Variants in PDE4D observed in about 807,000 individuals in gnomAD.
PDE4D encodes phosphodiesterase 4D, also known as 3',5'-cyclic-AMP phosphodiesterase 4D.
A neutral mutation model predicts 87.4 loss-of-function variants in PDE4D; 24 were observed. That is an observed-to-expected ratio of 0.27 (90% CI 0.20 to 0.39). The LOEUF (loss-of-function observed/expected upper bound fraction) is 0.39, where lower values mean the gene tolerates loss of function less well. Among genes scored for constraint, PDE4D ranks in the 10% least tolerant of loss-of-function variants. PDE4D has a pLI of 1.00. For synonymous variants in PDE4D, 384 were observed against 383.2 expected (o/e 1.00, Z -0.02); for missense variants, 714 against 1,041.0 (o/e 0.69, Z 4.32).
intron 1 of PDE4D, among the ~76,000 whole-genome samples, chr5:59,479,116 GT>G (rs113750425): frequency 0.16 from 24,612 of 152,038 alleles, 2,999 homozygotes; most frequent in African/African-American, 0.34. Flanking sequence ...TCTACTCAGA[GT>G]TGCTATTGAT....
intron 1 of PDE4D, among the ~76,000 whole-genome samples, chr5:59,831,916 AC>A (rs1450637166): frequency 2.0e-5 from 3 of 152,094 alleles, no homozygotes; most frequent in African/African-American, 7.2e-5. Context: ...ATAAGTCAGC[AC>A]CAGAAAGGGC....
intron 1 of PDE4D, among the ~76,000 whole-genome samples, chr5:59,715,410 G>A (rs563772712): frequency 6.6e-6 from 1 of 152,204 alleles, no homozygotes; most frequent in Admixed American, 6.5e-5. Context: ...GCCCGATGGG[G>A]CACGGTACAC....
intron 5 of PDE4D, among the ~76,000 whole-genome samples, chr5:59,067,256 A>T (rs1023139371): frequency 1.3e-5 from 2 of 152,018 alleles, no homozygotes; most frequent in African/African-American, 4.8e-5. Context: ...ACTTCAAGTG[A>T]TCTGCCCACC....
chr5:59,843,350 G>A (rs975158338), intron 1 of PDE4D, among the ~76,000 whole-genome samples: 2 of 151,744 alleles, frequency 1.3e-5, no homozygotes, highest in Non-Finnish European at 2.9e-5. Flanking sequence ...GCAAGAGAGA[G>A]GAAATACATT....
At chr5:59,571,074 T>G (rs79067745) in intron 1 of PDE4D, among the ~76,000 whole-genome samples, 1 of 152,322 alleles carries the variant, frequency 6.6e-6, no homozygotes, top group East Asian at 1.9e-4. Context: ...AACAAAAATT[T>G]GCTCCTCCCT....
At position 58,988,516 on chromosome 5, in the gene PDE4D, G is replaced by T. The variant is rs17853590; in HGVS notation, c.1529C>A (p.Ser510Tyr). 1 of 1,478,910 alleles carries T rather than the reference G, an allele frequency of 6.8e-7. No homozygotes were observed. Among genetic ancestry groups the T allele is most frequent in the Non-Finnish European group, 9.1e-7 (1 of 1,099,126 alleles). 91.6% of individuals were successfully genotyped at this position (1,478,910 alleles called of 1,614,324 possible). A position where few individuals can be genotyped will look rare whatever the true frequency, so the allele number is the denominator to read the frequency against. Reference protein sequence around the residue: ...AIHDVDHPGVSNQFLINTNSE... With the variant: ...AIHDVDHPGVYNQFLINTNSE... ...ACTTGTATTGATCAGAAATTGATTG[G>T]ACACACCAGGATGATCTACATCATG... The change falls in exon 11 of 15, where the codon TCC becomes TAC. Residue 510 changes from serine (S) to tyrosine (Y), a missense_variant. Ser to Tyr is a moderately radical substitution (Grantham distance 144). Coordinates refer to ENST00000340635, the MANE Select transcript of PDE4D (RefSeq NM_001104631.2).
intron 1 of PDE4D, among the ~76,000 whole-genome samples, chr5:59,619,101 T>C (rs1175776304): frequency 6.6e-6 from 1 of 152,198 alleles, no homozygotes; most frequent in Non-Finnish European, 1.5e-5. Context: ...GTGAAACTGA[T>C]ATGACTTGAC....
intron 11 of PDE4D, among the ~76,000 whole-genome samples, chr5:58,977,659 A>G (rs750474227): frequency 6.6e-6 from 1 of 152,170 alleles, no homozygotes; most frequent in Non-Finnish European, 1.5e-5. Flanking sequence ...TCAGCAGAAT[A>G]TGACATTATT....
intron 5 of PDE4D, among the ~76,000 whole-genome samples, chr5:59,077,200 T>C (rs1185878204): frequency 2.0e-5 from 3 of 152,208 alleles, no homozygotes; most frequent in Non-Finnish European, 4.4e-5. Context: ...ACTCTTAGCA[T>C]AATGTCTACA....
chr5:60,418,785 C>A (rs1199097418), intron 1 of PDE4D, among the ~76,000 whole-genome samples: 1 of 152,066 alleles, frequency 6.6e-6, no homozygotes, highest in Non-Finnish European at 1.5e-5. Flanking sequence ...GTTACTAACT[C>A]TAGTCACCCT....
intron 2 of PDE4D, among the ~76,000 whole-genome samples, chr5:60,007,100 A>G (rs1764568344): frequency 6.6e-6 from 1 of 152,048 alleles, no homozygotes; most frequent in Non-Finnish European, 1.5e-5. Context: ...ATTAAAAACT[A>G]TATACTTAAC....
chr5:59,532,594 A>G (rs1814438434), intron 1 of PDE4D, among the ~76,000 whole-genome samples: 1 of 152,232 alleles, frequency 6.6e-6, no homozygotes, highest in Admixed American at 6.5e-5. Context: ...TCTTAGCTAA[A>G]GAAATGTAAA....
chr5:59,994,372 A>T (rs1241055922), intron 2 of PDE4D, among the ~76,000 whole-genome samples: 1 of 151,784 alleles, frequency 6.6e-6, no homozygotes, highest in Non-Finnish European at 1.5e-5. Flanking sequence ...ATATGTAAAC[A>T]TGTATATACA....
chr5:60,260,959 C>T (rs1749584485), intron 1 of PDE4D, among the ~76,000 whole-genome samples: 1 of 152,038 alleles, frequency 6.6e-6, no homozygotes. Context: ...AGAGGATGGC[C>T]ATCCTGTTTA....
chr5:59,919,135 A>G (rs187662412), intron 3 of PDE4D, among the ~76,000 whole-genome samples: 198 of 152,326 alleles, frequency 1.3e-3, no homozygotes, highest in African/African-American at 4.5e-3. Context: ...ATTAAAAAGT[A>G]TTGTTCTCGA....
intron 1 of PDE4D, among the ~76,000 whole-genome samples, chr5:59,759,681 G>A (rs1287019146): frequency 6.6e-6 from 1 of 152,114 alleles, no homozygotes; most frequent in Non-Finnish European, 1.5e-5. Flanking sequence ...TTCCACAGAG[G>A]GCAACAGCCA....
At chr5:59,508,491 C>T (rs1809678420) in intron 1 of PDE4D, among the ~76,000 whole-genome samples, 1 of 151,856 alleles carries the variant, frequency 6.6e-6, no homozygotes, top group Non-Finnish European at 1.5e-5. Flanking sequence ...ACACTTTCAA[C>T]ACAGATAATT....
intron 1 of PDE4D, among the ~76,000 whole-genome samples, chr5:59,757,501 G>A (rs1761420355): frequency 6.6e-6 from 1 of 152,154 alleles, no homozygotes; most frequent in South Asian, 2.1e-4. Flanking sequence ...AATTTGGCAT[G>A]AAGGCTGGCA....
Position 59,931,695 on chromosome 5 carries a change from T to TTC in PDE4D, c.272+56792_272+56793insGA, listed in dbSNP as rs1491576522. ...TATACTGACACTTTTCTTCTTCTTC[T>TTC]TTTTTTTTTTTTTTTTTCTTTTTTG... On this transcript the variant is annotated intron_variant, in intron 3 of 16. Coordinates refer to the PDE4D transcript ENST00000502484. Among the ~76,000 whole-genome samples the TTC allele has an allele frequency of 1.2e-3, 4 of 3,222 alleles. No individual in the cohort carries two copies. In the South Asian group the frequency reaches 0.054, roughly 43 times the overall value. The allele number at this position is 3,222 out of a possible 152,430, so 2.1% of individuals were successfully genotyped here.
Sources: gnomAD v4.1 joint callset for allele counts (sites outside exome capture counted in the v4.1 genomes callset) on GRCh38, gnomAD v4.1.1 for gene constraint, MANE v1.5 for transcripts, NCBI Gene and HGNC (gene_info 2026-07-23, HGNC 2026-07-21) for gene names.